Variants in RCAN2 observed in about 807,000 individuals in gnomAD.
RCAN2 encodes calcipressin-2.
In RCAN2, 9 loss-of-function variants were observed where a neutral mutation model predicts 23.6. That is an observed-to-expected ratio of 0.38 (90% CI 0.23 to 0.67). The LOEUF is 0.67. Among genes scored for constraint, RCAN2 ranks in the 30% least tolerant of loss-of-function variants. The pLI, the probability that RCAN2 is intolerant of heterozygous loss-of-function variation, is 0.51. For missense variants in RCAN2, 273 were observed against 302.3 expected (o/e 0.90, Z 0.72); for synonymous variants, 109 against 115.7 (o/e 0.94, Z 0.37).
chr6:46,484,519 C>G (rs1430974150), intron 1 of RCAN2, among the ~76,000 whole-genome samples: 1 of 152,198 alleles, frequency 6.6e-6, no homozygotes, highest in East Asian at 1.9e-4. Flanking sequence ...TCCAGGATAA[C>G]TTTTCAGGAT....
chr6:46,344,918 A>G (rs1003727035), intron 2 of RCAN2, among the ~76,000 whole-genome samples: 2 of 152,090 alleles, frequency 1.3e-5, no homozygotes, highest in Non-Finnish European at 2.9e-5. Context: ...AAATGTGGAA[A>G]TGAACAGACT....
intron 2 of RCAN2, among the ~76,000 whole-genome samples, chr6:46,307,898 A>C (rs1164816005): frequency 2.0e-5 from 3 of 152,216 alleles, no homozygotes; most frequent in Admixed American, 6.5e-5. Context: ...TTGTTCAAGC[A>C]AGTTGGAAGA....
At chr6:46,229,099 C>T (rs535070528) in intron 4 of RCAN2, among the ~76,000 whole-genome samples, 1 of 152,148 alleles carries the variant, frequency 6.6e-6, no homozygotes, top group Admixed American at 6.6e-5. Context: ...ATATTGGCGC[C>T]CACTCTCTTC....
At chr6:46,360,488 C>T (rs1218945237) in intron 2 of RCAN2, among the ~76,000 whole-genome samples, 3 of 127,404 alleles carry the variant, frequency 2.4e-5, no homozygotes, top group Non-Finnish European at 3.1e-5. Context: ...CAGCCGAGAT[C>T]GTGCCACTAC....
intron 2 of RCAN2, among the ~76,000 whole-genome samples, chr6:46,437,772 C>T (rs1212283596): frequency 6.6e-6 from 1 of 152,130 alleles, no homozygotes; most frequent in Non-Finnish European, 1.5e-5. Flanking sequence ...TCTGTAGAGT[C>T]CAGACACAGG....
intron 1 of RCAN2, among the ~76,000 whole-genome samples, chr6:46,467,437 C>T (rs1265537896): frequency 6.6e-6 from 1 of 152,218 alleles, no homozygotes; most frequent in Non-Finnish European, 1.5e-5. Context: ...GACTCGGACA[C>T]ACCATGAGTG....
intron 2 of RCAN2, chr6:46,325,488 C>T (rs768051821): frequency 1.9e-6 from 3 of 1,613,754 alleles, no homozygotes; most frequent in Admixed American, 1.7e-5. Flanking sequence ...ATTCCCCCTT[C>T]TGAATTTTTA....
chr6:46,331,592 G>A (rs1265109283), intron 2 of RCAN2, among the ~76,000 whole-genome samples: 1 of 152,122 alleles, frequency 6.6e-6, no homozygotes, highest in Non-Finnish European at 1.5e-5. Context: ...GACTCATCTT[G>A]TTCATTTCCT....
intron 2 of RCAN2, among the ~76,000 whole-genome samples, chr6:46,261,799 T>G (rs1481841351): frequency 1.3e-5 from 2 of 152,192 alleles, no homozygotes; most frequent in Non-Finnish European, 2.9e-5. Context: ...AAATTTCTTT[T>G]TTGTCTGTAA....
intron 2 of RCAN2, among the ~76,000 whole-genome samples, chr6:46,341,217 A>G (rs1389638625): frequency 6.6e-6 from 1 of 152,214 alleles, no homozygotes; most frequent in African/African-American, 2.4e-5. Flanking sequence ...TAAAAAGATT[A>G]TACCTGCATA....
chr6:46,264,165 C>T (rs916014862), intron 2 of RCAN2, among the ~76,000 whole-genome samples: 2 of 152,132 alleles, frequency 1.3e-5, no homozygotes, highest in African/African-American at 2.4e-5. Context: ...GTTTTAAAAT[C>T]GAGCTGTCAA....
At chr6:46,393,475 T>C (rs1383406842) in intron 2 of RCAN2, among the ~76,000 whole-genome samples, 1 of 152,106 alleles carries the variant, frequency 6.6e-6, no homozygotes, top group Non-Finnish European at 1.5e-5. Flanking sequence ...AGATCTTCTG[T>C]CCCAGGGGAA....
At chr6:46,471,550 T>C (rs927187418) in intron 1 of RCAN2, among the ~76,000 whole-genome samples, 2 of 152,212 alleles carry the variant, frequency 1.3e-5, no homozygotes, top group Admixed American at 1.3e-4. Flanking sequence ...GAGTAGGCTG[T>C]GGCAGGAGCA....
At chr6:46,453,902 A>G (rs543674973) in intron 2 of RCAN2, among the ~76,000 whole-genome samples, 34 of 152,340 alleles carry the variant, frequency 2.2e-4, no homozygotes, top group African/African-American at 7.7e-4. Context: ...AACAAATTAC[A>G]TATGAAACCA....
intron 2 of RCAN2, among the ~76,000 whole-genome samples, chr6:46,280,834 G>A (rs898940572): frequency 6.6e-6 from 1 of 152,112 alleles, no homozygotes; most frequent in Non-Finnish European, 1.5e-5. Flanking sequence ...TCTCAGGGAG[G>A]TATGTGGACA....
At chr6:46,229,282 C>T (rs532159421) in intron 4 of RCAN2, among the ~76,000 whole-genome samples, 11 of 152,084 alleles carry the variant, frequency 7.2e-5, no homozygotes, top group East Asian at 5.8e-4. Context: ...ATCTTTGTGG[C>T]GTTCTCTGTA....
At chr6:46,277,117 G>T (rs971987394) in intron 2 of RCAN2, among the ~76,000 whole-genome samples, 2 of 152,192 alleles carry the variant, frequency 1.3e-5, no homozygotes, top group Non-Finnish European at 2.9e-5. Flanking sequence ...GAGGAAAAAA[G>T]AAACAGCAAA....
chr6:46,475,336 T>C (rs1768682893), intron 1 of RCAN2, among the ~76,000 whole-genome samples: 1 of 152,208 alleles, frequency 6.6e-6, no homozygotes, highest in Non-Finnish European at 1.5e-5. Flanking sequence ...TTATTGGCCA[T>C]ACAGAGCAGC....
intron 2 of RCAN2, among the ~76,000 whole-genome samples, chr6:46,347,304 T>TCC (rs1416056562): frequency 3.9e-5 from 6 of 152,220 alleles, no homozygotes; most frequent in African/African-American, 9.6e-5. Flanking sequence ...AATGGAGCTC[T>TCC]CCCTCCTGGG....
Sources: allele counts gnomAD v4.1 joint callset (sites outside exome capture counted in the v4.1 genomes callset), GRCh38; gene constraint gnomAD v4.1.1; transcripts MANE v1.5; gene names NCBI Gene and HGNC (gene_info 2026-07-23, HGNC 2026-07-21).